The following SHROOM2 variants were observed in gnomAD, a reference collection of about 807,000 sequenced individuals.
The protein encoded by SHROOM2 is shroom family member 2.
In SHROOM2, 33 loss-of-function variants were observed where a neutral mutation model predicts 75.9. That is an observed-to-expected ratio of 0.43 (90% CI 0.33 to 0.58). The LOEUF (loss-of-function observed/expected upper bound fraction) is 0.58. Ranked by LOEUF, SHROOM2 falls within the 20% of genes least tolerant of loss-of-function variation. The probability of loss-of-function intolerance (pLI) is 0.04; values close to 1 mark genes in which losing one functional copy is unlikely to be tolerated. For synonymous variants in SHROOM2, 655 were observed against 663.6 expected (o/e 0.99, Z 0.20); for missense variants, 1,434 against 1,461.2 (o/e 0.98, Z 0.30).
chrX:9,905,142 AC>A (rs1208408709), intron 5 of SHROOM2, among the ~76,000 whole-genome samples: 1 of 112,282 alleles, frequency 8.9e-6, no homozygotes, highest in Non-Finnish European at 1.9e-5. Context: ...AGGGTGAGCC[AC>A]CACACCACAC....
chrX:9,855,148 C>T (rs1418352802), intron 1 of SHROOM2, among the ~76,000 whole-genome samples: 6 of 106,497 alleles, frequency 5.6e-5, no homozygotes, highest in South Asian at 4.2e-4. Flanking sequence ...CAGGGCCTGT[C>T]GGGGAGTTGG....
intron 1 of SHROOM2, among the ~76,000 whole-genome samples, chrX:9,859,296 C>A (rs2084089989): frequency 9.9e-6 from 1 of 101,134 alleles, no homozygotes; most frequent in South Asian, 4.3e-4. Context: ...CTTTAGACAA[C>A]GTCGCTTATG....
At chrX:9,850,928 G>A (rs967070561) in intron 1 of SHROOM2, among the ~76,000 whole-genome samples, 1 of 111,318 alleles carries the variant, frequency 9.0e-6, no homozygotes, top group Non-Finnish European at 1.9e-5. Context: ...ACAGCCTTCC[G>A]GAAGTCAGCC....
chrX:9,930,732 AGTTTT>A (rs201969804), intron 5 of SHROOM2, among the ~76,000 whole-genome samples: 11 of 110,207 alleles, frequency 1.0e-4, no homozygotes, highest in East Asian at 2.9e-4. Context: ...GCTGTGTTCA[AGTTTT>A]GTTTTGTTTT....
chrX:9,791,645 T>G (rs1263403178), intron 1 of SHROOM2, among the ~76,000 whole-genome samples: 3 of 111,585 alleles, frequency 2.7e-5, no homozygotes, highest in Non-Finnish European at 3.8e-5. Flanking sequence ...TTAACCCACA[T>G]GAAGGATTTT....
intron 1 of SHROOM2, among the ~76,000 whole-genome samples, chrX:9,797,012 C>T (rs1439033923): frequency 9.0e-6 from 1 of 111,675 alleles, no homozygotes; most frequent in Non-Finnish European, 1.9e-5. Flanking sequence ...ATTCAGTATC[C>T]CTGTGACAAG....
intron 5 of SHROOM2, among the ~76,000 whole-genome samples, chrX:9,914,850 G>A (rs1295329807): frequency 8.9e-6 from 1 of 111,882 alleles, no homozygotes; most frequent in Non-Finnish European, 1.9e-5. Context: ...GCGGACTAAT[G>A]GGTCGAGGTC....
intron 5 of SHROOM2, among the ~76,000 whole-genome samples, chrX:9,911,562 C>T (rs934829803): frequency 5.4e-5 from 6 of 110,815 alleles, no homozygotes; most frequent in African/African-American, 1.3e-4. Context: ...CAGTGGCTGG[C>T]GACGCTGCTT....
chrX:9,808,042 G>A (rs747325564), intron 1 of SHROOM2, among the ~76,000 whole-genome samples: 1 of 111,522 alleles, frequency 9.0e-6, no homozygotes, highest in South Asian at 3.8e-4. Context: ...AGGGAGAACT[G>A]GTCTGTGGAT....
intron 1 of SHROOM2, among the ~76,000 whole-genome samples, chrX:9,851,906 G>A (rs908344127): frequency 8.9e-6 from 1 of 112,160 alleles, no homozygotes; most frequent in Admixed American, 9.5e-5. Flanking sequence ...CGTTTAAACT[G>A]GAATTTAACT....
chrX:9,821,368 G>A (rs902543492), intron 1 of SHROOM2, among the ~76,000 whole-genome samples: 2 of 111,771 alleles, frequency 1.8e-5, no homozygotes, highest in African/African-American at 3.3e-5. Context: ...AGTAGAGGAC[G>A]TGGGGGAGGC....
intron 1 of SHROOM2, among the ~76,000 whole-genome samples, chrX:9,796,389 A>T (rs756331805): frequency 1.8e-5 from 2 of 109,962 alleles, no homozygotes; most frequent in East Asian, 5.8e-4. Context: ...ACACCACTGC[A>T]CTCCAGCCTG....
In SHROOM2 at chrX:9,792,078, ATAG is replaced by A. The variant is rs1569133070; in HGVS notation, c.165+5369_165+5371del. ...ATAGAATAGAATAGAATAGAATAGA[ATAG>A]AATAGAATAGAATAGAATAGAATAG... On this transcript the variant is annotated intron_variant, in intron 1 of 9. Transcript: ENST00000380913. 3.0e-3 allele frequency among the ~76,000 whole-genome samples: 31 copies of A among 10,478 alleles called. 2 individuals are homozygous for A. The highest frequency in any genetic ancestry group is 4.8e-3 in the African/African-American group (17 of 3,526). 9.1% of individuals were successfully genotyped at this position (10,478 alleles called of 115,157 possible).
rs765791260 is a variant in SHROOM2, at chrX:9,896,179, G to A, written c.2271G>A (p.Glu757=). The stretch of plus-strand genomic sequence containing the variant: ...GAGGCCGGAGACGGTTCACAGCTGA[G>A]CAGAAATTGAAGTCCTACTCGGAAC... ...RIGGRRRFTA[E]QKLKSYSEPE... Residue 757 remains glutamate (E), a synonymous_variant, in exon 4 of 10, where the codon GAG becomes GAA. Coordinates refer to ENST00000380913, the MANE Select transcript of SHROOM2 (RefSeq NM_001649.4). 8.3e-7 allele frequency: 1 copy of A among 1,209,608 alleles called. No homozygotes were observed. Among genetic ancestry groups the A allele is most frequent in the African/African-American group, 1.7e-5 (1 of 57,554 alleles).
In SHROOM2 at chrX:9,796,230, A is replaced by G. The variant is rs190890596; in HGVS notation, c.165+9520A>G. ...TTGAGCCCAGGAAGTCAAGACAAGC[A>G]TGGGCAACAAAATGAGACCCCATCT... On this transcript the variant is annotated intron_variant, in intron 1 of 9. Coordinates refer to ENST00000380913, the MANE Select transcript of SHROOM2 (RefSeq NM_001649.4). 2.7e-5 allele frequency among the ~76,000 whole-genome samples: 3 copies of G among 110,178 alleles called. No individual in the cohort carries two copies. The East Asian group carries it at 8.6e-4, about 32-fold the overall frequency.
chrX:9,939,130 G>T (rs764355750), intron 7 of SHROOM2, 65 bp from the exon 8 acceptor site: 2 of 1,001,549 alleles, frequency 2.0e-6, no homozygotes, highest in South Asian at 2.7e-5. Flanking sequence ...AACCCAGGGG[G>T]TGGGGCAGAG....
At chrX:9,819,076 T>G (rs2083838130) in intron 1 of SHROOM2, 1 of 1,198,916 alleles carries the variant, frequency 8.3e-7, no homozygotes, top group Non-Finnish European at 1.1e-6. Flanking sequence ...TCAGGTGGGT[T>G]TTTGAGAATG....
rs185461645 is a variant in SHROOM2 at position 9,948,143 on chromosome X, G to A, written c.*1206G>A. ...AGGATGTACAAAGAACTCTCAAACCGGATAGTAAGAAAACAAACAGCCCAA... is the reference window on the plus strand; with the variant it reads ...AGGATGTACAAAGAACTCTCAAACCAGATAGTAAGAAAACAAACAGCCCAA... On this transcript the variant is annotated 3_prime_UTR_variant, in exon 10 of 10. Transcript: ENST00000380913. 5 of 112,042 alleles carry A rather than the reference G, an allele frequency of 4.5e-5. No homozygotes were observed. The highest frequency in any genetic ancestry group is 5.6e-4 in the East Asian group (2 of 3,576). The allele number at this position is 112,042 out of a possible 1,213,427, so 9.2% of individuals were successfully genotyped here. A position where few individuals can be genotyped will look rare whatever the true frequency, so the allele number is the denominator to read the frequency against.
Position 9,895,835 on chromosome X carries a change from A to G in SHROOM2, c.1927A>G (p.Lys643Glu). ...EIQMHRAKLQ[K>E]SRSTVALTAA... ...CCAGATGCATAGAGCCAAGCTGCAG[A>G]AGAGCCGGAGCACAGTGGCTCTGAC... The change falls in exon 4 of 10, where the codon AAG becomes GAG. Residue 643 changes from lysine (K) to glutamate (E), a missense_variant. Lys to Glu is a moderately conservative substitution (Grantham distance 56, BLOSUM62 1). Coordinates refer to ENST00000380913, the MANE Select transcript of SHROOM2 (RefSeq NM_001649.4). 1 of 1,204,462 alleles carries G rather than the reference A, an allele frequency of 8.3e-7. No individual in the cohort carries two copies. The highest frequency in any genetic ancestry group is 1.1e-6 in the Non-Finnish European group (1 of 891,391).
Sources: gnomAD v4.1 joint callset for allele counts (sites outside exome capture counted in the v4.1 genomes callset) on GRCh38, gnomAD v4.1.1 for gene constraint, MANE v1.5 for transcripts, NCBI Gene and HGNC (gene_info 2026-07-23, HGNC 2026-07-21) for gene names.